Variants in PARD3 observed in about 807,000 individuals in gnomAD.
The protein encoded by PARD3 is par-3 family cell polarity regulator, also known as partitioning defective 3 homolog.
PARD3 carries 75 observed loss-of-function variants against 155.4 expected under a neutral mutation model. The ratio of observed to expected loss-of-function variants is 0.48; its 90% CI spans 0.40 to 0.58. The LOEUF is 0.58. PARD3 is among the 20% of genes least tolerant of loss of function. The pLI is 0.00. For synonymous variants in PARD3, 576 were observed against 610.5 expected (o/e 0.94, Z 0.83); for missense variants, 1,642 against 1,721.7 (o/e 0.95, Z 0.82).
rs946734170 is a variant in PARD3, at chr10:34,226,440, T to C, written c.3419+43217A>G. Among the ~76,000 whole-genome samples, 9 of 152,258 alleles carry C rather than the reference T, an allele frequency of 5.9e-5. No individual in the cohort carries two copies. In the East Asian group the frequency reaches 1.5e-3, roughly 26 times the overall value. On this transcript the variant is annotated intron_variant, in intron 22 of 24. Transcript: ENST00000374788. ...TGGCACATGCCGGTAATCCCAGCTATTTGGGAGGCTGAGGCAAGAGAACTG... is the reference window on the plus strand; with the variant it reads ...TGGCACATGCCGGTAATCCCAGCTACTTGGGAGGCTGAGGCAAGAGAACTG...
rs1220073852 is a variant in PARD3 at position 34,317,197 on chromosome 10, G to C, written c.2975C>G (p.Thr992Ser). ...GDKTDRKKDK[T>S]GKEKKKDRDK... ...TCTATCTTTCTTCTTTTCTTTTCCA[G>C]TTTTATCCTTTTTTCTATCAGTCTT... Residue 992 changes from threonine to serine, a missense_variant, in exon 20 of 25, where the codon ACT becomes AGT. Physicochemically the swap from Thr to Ser is moderately conservative, Grantham distance 58. Around this residue, in one of 3 missense-constraint regions of PARD3, gnomAD observed 1,529 missense variants for 1,587.3 expected, o/e 0.96. Transcript: ENST00000374788. 1 of 1,612,950 alleles carries C rather than the reference G, an allele frequency of 6.2e-7. No homozygotes were observed.
In PARD3 at chr10:34,815,047, A is replaced by G; in HGVS notation, c.-52T>C. ...GCCCCTCGCCGAGCGCAGCCGGAGC[A>G]GCCGAGGCCGGGACCGAGGACGCTG... On this transcript the variant is annotated 5_prime_UTR_variant, in exon 1 of 25. Transcript: ENST00000374788. 2.3e-6 allele frequency: 3 copies of G among 1,281,342 alleles called. No individual in the cohort carries two copies. The highest frequency in any genetic ancestry group is 4.0e-5 in the South Asian group (2 of 49,692). The allele number at this position is 1,281,342 out of a possible 1,614,324, so 79.4% of individuals were successfully genotyped here.
At chr10:34,325,273 G>T (rs564395443) in intron 19 of PARD3, among the ~76,000 whole-genome samples, 2 of 152,126 alleles carry the variant, frequency 1.3e-5, no homozygotes, top group Non-Finnish European at 2.9e-5. Flanking sequence ...GCCACCCAAA[G>T]TGCTGGGATG....
intron 22 of PARD3, among the ~76,000 whole-genome samples, chr10:34,147,574 T>C (rs1395657821): frequency 6.6e-6 from 1 of 151,884 alleles, no homozygotes; most frequent in Non-Finnish European, 1.5e-5. Flanking sequence ...ATTTTCCCTT[T>C]ACAATGTCTA....
chr10:34,118,636 G>A (rs887729543), intron 24 of PARD3, among the ~76,000 whole-genome samples: 20 of 152,136 alleles, frequency 1.3e-4, no homozygotes, highest in African/African-American at 4.3e-4. Context: ...CTGAGCCACC[G>A]TGCCTGGCCA....
At chr10:34,576,942 T>C (rs1216599027) in intron 2 of PARD3, among the ~76,000 whole-genome samples, 1 of 152,160 alleles carries the variant, frequency 6.6e-6, no homozygotes, top group Admixed American at 6.6e-5. Context: ...AACTCAATTT[T>C]CTCCCCTGCG....
intron 2 of PARD3, among the ~76,000 whole-genome samples, chr10:34,596,455 C>A (rs1242353761): frequency 2.6e-5 from 4 of 152,118 alleles, no homozygotes; most frequent in African/African-American, 9.7e-5. Flanking sequence ...ACAATCATGG[C>A]GGAAGGCACC....
At chr10:34,496,769 C>T (rs113742187) in intron 3 of PARD3, among the ~76,000 whole-genome samples, 1,670 of 152,258 alleles carry the variant, frequency 0.011, 30 homozygotes, top group African/African-American at 0.038. Context: ...GTGTGGATTT[C>T]GTGTGGATTC....
At chr10:34,379,568 A>C (rs1227010029) in intron 9 of PARD3, among the ~76,000 whole-genome samples, 2 of 152,144 alleles carry the variant, frequency 1.3e-5, no homozygotes, top group Non-Finnish European at 2.9e-5. Flanking sequence ...TTGCAATACT[A>C]ACTTTTTTGA....
intron 1 of PARD3, among the ~76,000 whole-genome samples, chr10:34,750,222 C>G (rs1425796890): frequency 6.6e-6 from 1 of 151,576 alleles, no homozygotes; most frequent in Non-Finnish European, 1.5e-5. Flanking sequence ...TATGGAAGTA[C>G]CTTTTTAGAA....
At chr10:34,440,976 A>G (rs2076432389) in intron 5 of PARD3, among the ~76,000 whole-genome samples, 1 of 152,240 alleles carries the variant, frequency 6.6e-6, no homozygotes. Context: ...CATAGAGATT[A>G]ACACTGATGT....
rs529009832 is a variant in PARD3 at position 34,494,791 on chromosome 10, T to C, written c.403+22188A>G. On this transcript the variant is annotated intron_variant, in intron 3 of 24. Coordinates refer to ENST00000374788, the MANE Select transcript of PARD3 (RefSeq NM_001184785.2). ...ATTGTTGTTCCCCTAATCCCCATGTTGATCAAAGGTCCCCATTTGTTTTCC... is the reference window on the plus strand; with the variant it reads ...ATTGTTGTTCCCCTAATCCCCATGTCGATCAAAGGTCCCCATTTGTTTTCC... Among the ~76,000 whole-genome samples, 67 of 152,310 alleles carry C rather than the reference T, an allele frequency of 4.4e-4. 1 individual carries two copies. In the South Asian group the frequency reaches 0.011, roughly 25 times the overall value.
intron 2 of PARD3, among the ~76,000 whole-genome samples, chr10:34,522,644 A>C (rs2082219645): frequency 6.6e-6 from 1 of 152,234 alleles, no homozygotes; most frequent in Non-Finnish European, 1.5e-5. Context: ...ACACAGGAAT[A>C]GTAATGGGAA....
chr10:34,492,564 A>G (rs1280333545), intron 3 of PARD3, among the ~76,000 whole-genome samples: 1 of 152,228 alleles, frequency 6.6e-6, no homozygotes, highest in African/African-American at 2.4e-5. Flanking sequence ...TCTTTATAGG[A>G]CCTAAATATT....
chr10:34,729,787 A>G (rs2094784629), intron 1 of PARD3, among the ~76,000 whole-genome samples: 1 of 152,176 alleles, frequency 6.6e-6, no homozygotes, highest in Non-Finnish European at 1.5e-5. Flanking sequence ...GGAGCCGGAA[A>G]AGTAATCTGA....
chr10:34,490,601 T>G (rs891813476), intron 3 of PARD3, among the ~76,000 whole-genome samples: 7 of 152,168 alleles, frequency 4.6e-5, no homozygotes, highest in Admixed American at 4.6e-4. Flanking sequence ...CCTGTCAATA[T>G]AGTCTTGTGT....
rs569281677 is a variant in PARD3 at position 34,772,501 on chromosome 10, A to T, written c.120+42375T>A. Among the ~76,000 whole-genome samples the T allele has an allele frequency of 4.0e-5, 6 of 151,308 alleles. No individual in the cohort carries two copies. The South Asian group carries it at 1.3e-3, about 32-fold the overall frequency. ...ACAAATGATCTAAAGCTTTAAAATG[A>T]GGAATACACGCCGGGCATGGTGGCT... On this transcript the variant is annotated intron_variant, in intron 1 of 24. Coordinates refer to ENST00000374788, the MANE Select transcript of PARD3 (RefSeq NM_001184785.2).
chr10:34,584,618 GA>G (rs2087827726), intron 2 of PARD3, among the ~76,000 whole-genome samples: 1 of 152,110 alleles, frequency 6.6e-6, no homozygotes, highest in Non-Finnish European at 1.5e-5. Context: ...AACGTTACCT[GA>G]CTCAATCAAT....
intron 22 of PARD3, among the ~76,000 whole-genome samples, chr10:34,211,424 C>T (rs971562460): frequency 4.6e-5 from 7 of 151,926 alleles, no homozygotes; most frequent in South Asian, 2.1e-4. Context: ...GTGGGGCATA[C>T]GCAGAGAGAA....
Sources: allele counts gnomAD v4.1 joint callset (sites outside exome capture counted in the v4.1 genomes callset), GRCh38; gene constraint gnomAD v4.1.1; regional missense constraint gnomAD v4.1.1; transcripts MANE v1.5; gene names NCBI Gene and HGNC (gene_info 2026-07-23, HGNC 2026-07-21).